The following ADAMTS2 variants were observed in gnomAD, a reference collection of about 807,000 sequenced individuals.
ADAMTS2 encodes ADAM metallopeptidase with thrombospondin type 1 motif 2.
Under a neutral mutation model 123.0 loss-of-function variants are expected in ADAMTS2, and 50 were observed. The observed-to-expected ratio is 0.41, with a 90% confidence interval of 0.32 to 0.51. The LOEUF is 0.51. Ranked by LOEUF, ADAMTS2 falls within the 20% of genes least tolerant of loss-of-function variation. The pLI is 0.35. For missense variants in ADAMTS2, 1,494 were observed against 1,705.2 expected (o/e 0.88, Z 2.18); for synonymous variants, 678 against 695.4 (o/e 0.98, Z 0.39).
Position 179,132,838 on chromosome 5 carries a change from T to C in ADAMTS2, c.2148A>G (p.Gly716=), listed in dbSNP as rs760357244. 1 of 1,613,896 alleles carries C rather than the reference T, an allele frequency of 6.2e-7. No homozygotes were observed. The highest frequency in any genetic ancestry group is 1.3e-5 in the African/African-American group (1 of 74,904). The change falls in exon 14 of 22, where the codon GGA becomes GGG. Residue 716 remains glycine, a synonymous_variant. Coordinates refer to ENST00000251582, the MANE Select transcript of ADAMTS2 (RefSeq NM_014244.5). The surrounding 1 kb of genome is among the most constrained non-coding windows in gnomAD (Gnocchi z 6.1). The part of the protein sequence containing the change: ...SKQEDKCGVC[G]GDNSHCKVVK... ...CCACTTTGCAGTGGCTGTTGTCCCC[T>C]CCGCACACGCCACACTTGTCTTCCT...
chr5:179,196,657 C>G (rs944139320), intron 4 of ADAMTS2, among the ~76,000 whole-genome samples: 1 of 152,240 alleles, frequency 6.6e-6, no homozygotes, highest in Non-Finnish European at 1.5e-5. Context: ...CCCACGTGCA[C>G]TGATGTAGTG....
At chr5:179,137,680 C>A in intron 12 of ADAMTS2, 89 bp downstream of exon 12, 1 of 1,504,226 alleles carries the variant, frequency 6.6e-7, no homozygotes, top group Non-Finnish European at 8.9e-7. Flanking sequence ...CAGCCTTGCC[C>A]CATGCAGGAT....
chr5:179,141,686 A>G (rs1203686525), intron 10 of ADAMTS2, among the ~76,000 whole-genome samples: 1 of 152,158 alleles, frequency 6.6e-6, no homozygotes, highest in Non-Finnish European at 1.5e-5. Context: ...ACTGCCAAGA[A>G]GACGGGGCTG....
At chr5:179,320,139 G>A (rs1023640190) in intron 2 of ADAMTS2, among the ~76,000 whole-genome samples, 1 of 152,206 alleles carries the variant, frequency 6.6e-6, no homozygotes, top group Admixed American at 6.5e-5. Context: ...GGTGAGGGAA[G>A]GGAGGCCACG....
intron 4 of ADAMTS2, among the ~76,000 whole-genome samples, chr5:179,194,566 A>ATGAGAACCC (rs1764377776): frequency 6.6e-6 from 1 of 152,114 alleles, no homozygotes; most frequent in Non-Finnish European, 1.5e-5. Flanking sequence ...GAGGCCTGAG[A>ATGAGAACCC]TGAGAACCCG....
At chr5:179,157,104 C>G (rs1763487852) in intron 6 of ADAMTS2, among the ~76,000 whole-genome samples, 1 of 151,704 alleles carries the variant, frequency 6.6e-6, no homozygotes. Context: ...GCTGGGATTA[C>G]AGGCACCTGC....
chr5:179,237,292 A>G (rs1765551233), intron 3 of ADAMTS2, among the ~76,000 whole-genome samples: 1 of 152,156 alleles, frequency 6.6e-6, no homozygotes, highest in South Asian at 2.1e-4. Context: ...AAATGTAGAA[A>G]TAACATAAAA....
intron 3 of ADAMTS2, among the ~76,000 whole-genome samples, chr5:179,216,683 A>G (rs1382823568): frequency 2.0e-5 from 3 of 152,232 alleles, no homozygotes; most frequent in Non-Finnish European, 4.4e-5. Context: ...GGGAGCCTCC[A>G]TCCAGCGGGG....
rs1467400238 is a variant in ADAMTS2 at position 179,225,712 on chromosome 5, C to A, written c.689-17997G>T. ...GAGGAGAGCCCAGGCTGCTTAGCGG[C>A]CCGACTCCAGGGAAAGCCCTTTGCA... On this transcript the variant is annotated intron_variant, in intron 3 of 21. Coordinates refer to ENST00000251582, the MANE Select transcript of ADAMTS2 (RefSeq NM_014244.5). This position sits in a 1 kb window ranked among gnomAD's most constrained non-coding sequence, Gnocchi z 4.5. 6.6e-6 allele frequency among the ~76,000 whole-genome samples: 1 copy of A among 152,182 alleles called. No individual in the cohort carries two copies. Among genetic ancestry groups the A allele is most frequent in the Non-Finnish European group, 1.5e-5 (1 of 68,032 alleles).
At chr5:179,338,428 C>T (rs1057083667) in intron 2 of ADAMTS2, among the ~76,000 whole-genome samples, 3 of 152,322 alleles carry the variant, frequency 2.0e-5, no homozygotes, top group Admixed American at 1.3e-4. Flanking sequence ...GGCTGGCCGC[C>T]GCCTCCAGAG....
intron 3 of ADAMTS2, among the ~76,000 whole-genome samples, chr5:179,247,823 CAA>C (rs756250986): frequency 1.6e-4 from 24 of 151,972 alleles, no homozygotes; most frequent in Non-Finnish European, 2.8e-4. Flanking sequence ...TTCAGAGAAA[CAA>C]AAACTGAGAG....
In ADAMTS2 at chr5:179,273,242, C is replaced by T. The variant is rs7719123; in HGVS notation, c.535-178G>A. Among the ~76,000 whole-genome samples, 7,994 of 152,138 alleles carry T rather than the reference C, an allele frequency of 0.053. 672 individuals carry two copies. The highest frequency in any genetic ancestry group is 0.17 in the African/African-American group (7,046 of 41,478). On this transcript the variant is annotated intron_variant, in intron 2 of 21. Transcript: ENST00000251582. ...GGTATGAACATGTGGTCCCAGAGGC[C>T]GCCCCCCGCCGCCCACCCTGTCTAG... is the stretch of plus-strand genomic sequence containing the variant.
At position 179,341,493 on chromosome 5, in the gene ADAMTS2, G is replaced by T. The variant is rs571445952; in HGVS notation, c.534+2274C>A. ...AGGCAGGCAGATCACAAGGTCAGGA[G>T]ATTGAGACCACCCTGGCTAACACGG... is the stretch of plus-strand genomic sequence containing the variant. On this transcript the variant is annotated intron_variant, in intron 2 of 21. Coordinates refer to ENST00000251582, the MANE Select transcript of ADAMTS2 (RefSeq NM_014244.5). 6.7e-4 allele frequency among the ~76,000 whole-genome samples: 102 copies of T among 152,142 alleles called. 2 individuals carry two copies. Among genetic ancestry groups the T allele is most frequent in the African/African-American group, 2.4e-3 (101 of 41,506 alleles).
rs528309095 is a variant in ADAMTS2 at position 179,231,879 on chromosome 5, C to T, written c.689-24164G>A. Among the ~76,000 whole-genome samples, 14 of 148,312 alleles carry T rather than the reference C, an allele frequency of 9.4e-5. No individual in the cohort carries two copies. The East Asian group carries it at 2.8e-3, about 30-fold the overall frequency. The stretch of plus-strand genomic sequence containing the variant: ...GCAGTGAGCCATGATTGTGCCACTG[C>T]ACTCCAGCTGGGGCCACAGAGCGAG... On this transcript the variant is annotated intron_variant, in intron 3 of 21. Coordinates refer to ENST00000251582, the MANE Select transcript of ADAMTS2 (RefSeq NM_014244.5).
chr5:179,258,860 A>T (rs1435133880), intron 3 of ADAMTS2, among the ~76,000 whole-genome samples: 1 of 152,050 alleles, frequency 6.6e-6, no homozygotes, highest in Non-Finnish European at 1.5e-5. Context: ...CCAGGCAAGG[A>T]GTATCCCCCT....
In ADAMTS2 at chr5:179,207,585, G is replaced by A. The variant is rs751895494; in HGVS notation, c.819C>T (p.Gly273=). ...GGAACTGCACCACAGAGTCATCCAC[G>A]CCCAGCAGGACCTCGATGTTGTAGT... ...DDDYNIEVLL[G]VDDSVVQFHG... Residue 273 remains glycine (G), a synonymous_variant, in exon 4 of 22, where the codon GGC becomes GGT. Coordinates refer to ENST00000251582, the MANE Select transcript of ADAMTS2 (RefSeq NM_014244.5). 1.9e-5 allele frequency: 30 copies of A among 1,612,822 alleles called. No individual in the cohort carries two copies. The highest frequency in any genetic ancestry group is 4.0e-5 in the African/African-American group (3 of 74,724).
chr5:179,265,713 G>A (rs1254789823), intron 3 of ADAMTS2, among the ~76,000 whole-genome samples: 1 of 152,222 alleles, frequency 6.6e-6, no homozygotes. Flanking sequence ...CCCCTTCCGC[G>A]TGGGCCACAT....
intron 2 of ADAMTS2, among the ~76,000 whole-genome samples, chr5:179,281,637 C>T (rs754620905): frequency 2.6e-5 from 4 of 152,188 alleles, no homozygotes; most frequent in Non-Finnish European, 4.4e-5. Context: ...ATGCATAATG[C>T]TGCTATGAAC....
At chr5:179,166,952 T>TGAAC (rs1478964615) in intron 5 of ADAMTS2, among the ~76,000 whole-genome samples, 2 of 152,074 alleles carry the variant, frequency 1.3e-5, no homozygotes, top group African/African-American at 4.8e-5. Context: ...GATGAAGGAA[T>TGAAC]GAACACGAGC....
Sources: allele counts gnomAD v4.1 joint callset (sites outside exome capture counted in the v4.1 genomes callset), GRCh38; gene constraint gnomAD v4.1.1; non-coding constraint Gnocchi (gnomAD v3.1); transcripts MANE v1.5; gene names NCBI Gene and HGNC (gene_info 2026-07-23, HGNC 2026-07-21).